The following SLC4A5 variants were observed in gnomAD, a reference collection of about 807,000 sequenced individuals.
The protein encoded by SLC4A5 is electrogenic sodium bicarbonate cotransporter 4.
In SLC4A5, 96 loss-of-function variants were observed where a neutral mutation model predicts 120.4. The observed-to-expected ratio is 0.80, with a 90% CI of 0.68 to 0.94. SLC4A5 has a LOEUF of 0.94. SLC4A5 is among the 40% of genes least tolerant of loss of function. The pLI is 0.00. For synonymous variants in SLC4A5, 550 were observed against 571.1 expected (o/e 0.96, Z 0.53); for missense variants, 1,259 against 1,459.5 (o/e 0.86, Z 2.24).
chr2:74,227,222 C>G, intron 26 of SLC4A5, 92 bp from the exon 27 acceptor site: 1 of 1,406,118 alleles, frequency 7.1e-7, no homozygotes. Flanking sequence ...GGTGGGGTCT[C>G]AGAGAGGGGA....
chr2:74,279,891 A>G (rs1040456825), intron 8 of SLC4A5, among the ~76,000 whole-genome samples: 2 of 151,820 alleles, frequency 1.3e-5, no homozygotes, highest in Admixed American at 1.3e-4. Flanking sequence ...GTACCTTTTA[A>G]ATTTTGTCTC....
chr2:74,275,666 A>T (rs1350748512), intron 8 of SLC4A5, among the ~76,000 whole-genome samples: 1 of 152,188 alleles, frequency 6.6e-6, no homozygotes, highest in African/African-American at 2.4e-5. Flanking sequence ...CTCGCATCAC[A>T]CTTTTTATCA....
At chr2:74,269,198 G>C (rs541194227) in intron 8 of SLC4A5, among the ~76,000 whole-genome samples, 60 of 152,174 alleles carry the variant, frequency 3.9e-4, no homozygotes, top group African/African-American at 1.4e-3. Flanking sequence ...TAGACCAAAG[G>C]ATAAGTTCAA....
chr2:74,267,655 G>C (rs1671346320), intron 8 of SLC4A5, among the ~76,000 whole-genome samples: 1 of 152,202 alleles, frequency 6.6e-6, no homozygotes, highest in Non-Finnish European at 1.5e-5. Context: ...TGTTGGGGCG[G>C]GATTTAAGAC....
chr2:74,219,807 CAT>C (rs1021589298), intron 30 of SLC4A5, among the ~76,000 whole-genome samples: 3 of 152,108 alleles, frequency 2.0e-5, no homozygotes, highest in African/African-American at 7.2e-5. Context: ...AATGGCATCA[CAT>C]ATATAGGAGC....
At chr2:74,338,564 A>G (rs917268819) in intron 3 of SLC4A5, among the ~76,000 whole-genome samples, 10 of 152,188 alleles carry the variant, frequency 6.6e-5, no homozygotes, top group African/African-American at 2.4e-4. Flanking sequence ...CACGCCTGTA[A>G]TCCCAGCACT....
intron 12 of SLC4A5, among the ~76,000 whole-genome samples, chr2:74,256,914 G>T (rs570508712): frequency 6.6e-6 from 1 of 152,168 alleles, no homozygotes. Context: ...GTGGGAAAGC[G>T]CCTGGGGGTA....
intron 13 of SLC4A5, among the ~76,000 whole-genome samples, 177 bp from the exon 14 acceptor site, chr2:74,254,883 A>T (rs543066581): frequency 1.3e-5 from 2 of 150,534 alleles, no homozygotes; most frequent in African/African-American, 4.9e-5. Flanking sequence ...GCAGTGGCGC[A>T]ATCTTGGCTC....
intron 2 of SLC4A5, among the ~76,000 whole-genome samples, chr2:74,341,430 A>G (rs12151688): frequency 0.1 from 15,532 of 152,188 alleles, 1,703 homozygotes; most frequent in East Asian, 0.36. Flanking sequence ...TTTAATTGTT[A>G]ATTAACACGC....
chr2:74,316,794 A>G (rs1011940250), intron 5 of SLC4A5, among the ~76,000 whole-genome samples: 4 of 152,230 alleles, frequency 2.6e-5, no homozygotes, highest in African/African-American at 4.8e-5. Flanking sequence ...TCCATAAGCC[A>G]TAACTATAGC....
chr2:74,303,117 C>CGTGT lies in SLC4A5; in HGVS notation c.271+1368_271+1371dup, dbSNP rs112916158. Among the ~76,000 whole-genome samples, 99 of 143,258 alleles carry CGTGT rather than the reference C, an allele frequency of 6.9e-4. 1 individual carries two copies. Among genetic ancestry groups the CGTGT allele is most frequent in the African/African-American group, 2.2e-3 (86 of 38,940 alleles). The allele number at this position is 143,258 out of a possible 152,430, so 94.0% of individuals were successfully genotyped here. On this transcript the variant is annotated intron_variant, in intron 7 of 30. Coordinates refer to ENST00000394019, the Ensembl canonical transcript of SLC4A5. The stretch of plus-strand genomic sequence containing the variant: ...TGCCTGTGCATGTGGTGTGTGTGTG[C>CGTGT]GTGTGTGTGTGTGTGTGTGTTGTAT...
chr2:74,335,714 A>C lies in SLC4A5; in HGVS notation c.-220-1537T>G, dbSNP rs182042256. On this transcript the variant is annotated intron_variant, in intron 3 of 30. Coordinates refer to ENST00000394019, the Ensembl canonical transcript of SLC4A5. ...CTGATCAAAAGATACAATGGAGGAA[A>C]AGATTTCATTTTCAATAAAAACAAA... is the stretch of plus-strand genomic sequence containing the variant. 1.5e-3 allele frequency among the ~76,000 whole-genome samples: 222 copies of C among 152,342 alleles called. 1 individual carries two copies. The highest frequency in any genetic ancestry group is 5.0e-3 in the African/African-American group (208 of 41,562).
chr2:74,309,646 T>G (rs562790525), intron 6 of SLC4A5, among the ~76,000 whole-genome samples: 23 of 151,936 alleles, frequency 1.5e-4, no homozygotes, highest in African/African-American at 5.6e-4. Context: ...TTCCTACGCA[T>G]GAACATGAAA....
At chr2:74,274,852 CA>C (rs1386664241) in intron 8 of SLC4A5, among the ~76,000 whole-genome samples, 1 of 152,140 alleles carries the variant, frequency 6.6e-6, no homozygotes, top group Non-Finnish European at 1.5e-5. Flanking sequence ...AAATTATCAC[CA>C]AAAAGTTGCT....
Position 74,239,724 on chromosome 2 carries a change from C to T in SLC4A5, c.2119-189G>A, listed in dbSNP as rs545333280. Among the ~76,000 whole-genome samples, 45 of 152,162 alleles carry T rather than the reference C, an allele frequency of 3.0e-4. 1 individual carries two copies. In the South Asian group the frequency reaches 8.3e-3, roughly 28 times the overall value. ...AAGCTCCCTAGGAAGATTAGGAGCTCACATGTGTTTCTTCATTGTGTTCTA... is the reference window on the plus strand; with the variant it reads ...AAGCTCCCTAGGAAGATTAGGAGCTTACATGTGTTTCTTCATTGTGTTCTA... On this transcript the variant is annotated intron_variant, in intron 20 of 30. Coordinates refer to ENST00000394019, the Ensembl canonical transcript of SLC4A5.
In SLC4A5 at chr2:74,223,611, T is replaced by C. The variant is rs114479273; in HGVS notation, c.3247-659A>G. ...GTATAAATTGAATCCTGTTTTTCCA[T>C]TGATATATCATAATTCAGAGATTCT... On this transcript the variant is annotated intron_variant, in intron 28 of 30. Coordinates refer to ENST00000394019, the Ensembl canonical transcript of SLC4A5. Among the ~76,000 whole-genome samples, 871 of 152,390 alleles carry C rather than the reference T, an allele frequency of 5.7e-3. 8 individuals carry two copies. Among genetic ancestry groups the C allele is most frequent in the African/African-American group, 0.02 (827 of 41,592 alleles).
chr2:74,228,973 C>T (rs2103898641), intron 25 of SLC4A5, among the ~76,000 whole-genome samples: 1 of 152,246 alleles, frequency 6.6e-6, no homozygotes, highest in East Asian at 1.9e-4. Flanking sequence ...TGTGGCTCCC[C>T]ATGGTGAGCA....
At chr2:74,245,644 G>C (rs1260455524) in intron 19 of SLC4A5, among the ~76,000 whole-genome samples, 1 of 152,122 alleles carries the variant, frequency 6.6e-6, no homozygotes, top group African/African-American at 2.4e-5. Context: ...AAAAAAGAAA[G>C]AAAAAAGTCT....
At chr2:74,249,437 A>C (rs1436197546) in intron 17 of SLC4A5, among the ~76,000 whole-genome samples, 1 of 152,190 alleles carries the variant, frequency 6.6e-6, no homozygotes, top group Admixed American at 6.5e-5. Context: ...GTACTTGAAG[A>C]ACCAAAAGAT....
Sources: gnomAD v4.1 joint callset for allele counts (sites outside exome capture counted in the v4.1 genomes callset) on GRCh38, gnomAD v4.1.1 for gene constraint, MANE v1.5 for transcripts, NCBI Gene and HGNC (gene_info 2026-07-23, HGNC 2026-07-21) for gene names.